The following SSUH2 variants were observed in gnomAD, a reference collection of about 807,000 sequenced individuals.
SSUH2 encodes ssu-2 homolog.
A neutral mutation model predicts 55.3 loss-of-function variants in SSUH2; 47 were observed. The observed-to-expected ratio is 0.85, with a 90% CI of 0.67 to 1.08. The LOEUF is 1.08. Among genes scored for constraint, SSUH2 ranks in the 50% least tolerant of loss-of-function variants. The pLI is 0.00. For synonymous variants in SSUH2, 212 were observed against 191.5 expected (o/e 1.11, Z -0.89); for missense variants, 535 against 490.7 (o/e 1.09, Z -0.85).
At chr3:8,642,175 G>A (rs776846421) in intron 1 of SSUH2, among the ~76,000 whole-genome samples, 2 of 152,218 alleles carry the variant, frequency 1.3e-5, no homozygotes, top group African/African-American at 2.4e-5. Context: ...GTTTCAGTCT[G>A]CAATCAAAGA....
In SSUH2 at chr3:8,676,794, G is replaced by A. The variant is rs1457461737; in HGVS notation, c.-753+412C>T. On this transcript the variant is annotated intron_variant, in intron 3 of 18. Transcript: ENST00000317371. ...CAGGACCTCATCGCAGTGGGGGGAG[G>A]CACCCCCAGTGAGGCGGGGACTGAG... Among the ~76,000 whole-genome samples the A allele has an allele frequency of 2.0e-5, 3 of 148,178 alleles. No homozygotes were observed. In the East Asian group the frequency reaches 6.2e-4, roughly 31 times the overall value.
chr3:8,645,331 CCA>C (rs564397596), upstream of SSUH2, among the ~76,000 whole-genome samples: 1,025 of 152,288 alleles, frequency 6.7e-3, 6 homozygotes, highest in Non-Finnish European at 0.011. Context: ...CACTGCAAAG[CCA>C]CACGGCACCT....
rs73015972 is a variant in SSUH2 at position 8,668,258 on chromosome 3, G to C, written c.-455+2740C>G. Reference sequence around the variant, plus strand: ...AATGAACCTGAGTATTCTAAGATCAGCATTCAAATCTTCACACACAAAAAA... The same window carrying C: ...AATGAACCTGAGTATTCTAAGATCACCATTCAAATCTTCACACACAAAAAA... On this transcript the variant is annotated intron_variant, in intron 5 of 18. Transcript: ENST00000317371. 7.9e-3 allele frequency among the ~76,000 whole-genome samples: 1,196 copies of C among 152,278 alleles called. 9 individuals carry two copies. Among genetic ancestry groups the C allele is most frequent in the Middle Eastern group, 0.02 (6 of 294 alleles).
At chr3:8,655,972 A>G (rs1417752699) in intron 7 of SSUH2, among the ~76,000 whole-genome samples, 1 of 152,222 alleles carries the variant, frequency 6.6e-6, no homozygotes, top group Non-Finnish European at 1.5e-5. Context: ...ATTTCAAAAG[A>G]ATATTATTCT....
At chr3:8,659,672 T>C (rs1034501432) in intron 6 of SSUH2, 19 of 425,530 alleles carry the variant, frequency 4.5e-5, no homozygotes, top group Non-Finnish European at 6.2e-5. Context: ...AAACCCTCAA[T>C]GGGCATGGGA....
chr3:8,619,881 C>T lies in SSUH2; in HGVS notation c.1115G>A (p.Cys372Tyr), dbSNP rs181750881. 1.2e-6 allele frequency: 2 copies of T among 1,613,536 alleles called. No individual in the cohort carries two copies. Among genetic ancestry groups the T allele is most frequent in the East Asian group, 2.2e-5 (1 of 44,882 alleles). ...AGCCATGCTATGTCACACGATGGTA[C>T]AGCCACAGCAATACCGCTCAGGATA... is the stretch of plus-strand genomic sequence containing the variant. ...VDYPERYCCG[C>Y]TIV Residue 372 changes from cysteine (C) to tyrosine (Y), a missense_variant, in exon 12 of 12, where the codon TGT becomes TAT. By Grantham distance (194) the Cys-to-Tyr change is radical. Transcript: ENST00000544814.
At chr3:8,647,492 C>A (rs577791710), upstream of SSUH2, among the ~76,000 whole-genome samples, 1 of 152,226 alleles carries the variant, frequency 6.6e-6, no homozygotes, top group Non-Finnish European at 1.5e-5. Context: ...CTAAAGTGGA[C>A]ATGGCAGCAC....
chr3:8,633,910 G>C lies in SSUH2; in HGVS notation c.210-115C>G, dbSNP rs751341440. ...AAACTGAGGCCACGGTAGTGGTAAAGCCCTCAGCAGTCCAACTGGGGAGGG... is the reference window on the plus strand; with the variant it reads ...AAACTGAGGCCACGGTAGTGGTAAACCCCTCAGCAGTCCAACTGGGGAGGG... On this transcript the variant is annotated intron_variant, in intron 3 of 11. Coordinates refer to ENST00000544814, the MANE Select transcript of SSUH2 (RefSeq NM_001256748.3). 3 of 1,613,880 alleles carry C rather than the reference G, an allele frequency of 1.9e-6. No homozygotes were observed. In the South Asian group the frequency reaches 3.3e-5, roughly 18 times the overall value.
exon 5 of SSUH2, chr3:8,671,021 C>T (rs890886130): frequency 2.4e-6 from 1 of 424,124 alleles, no homozygotes; most frequent in African/African-American, 2.0e-5. Flanking sequence ...TCAGTAGTAA[C>T]ATCTCTTCAG....
At chr3:8,650,079 C>A (rs1357551501) in intron 7 of SSUH2, among the ~76,000 whole-genome samples, 1 of 152,108 alleles carries the variant, frequency 6.6e-6, no homozygotes, top group Admixed American at 6.5e-5. Flanking sequence ...TGGAATTCCC[C>A]TACAGATCTC....
chr3:8,654,942 G>T (rs111544328), intron 7 of SSUH2, among the ~76,000 whole-genome samples: 9 of 107,476 alleles, frequency 8.4e-5, no homozygotes, highest in Admixed American at 6.3e-4. Context: ...GATCACAGTG[G>T]GTGGCCTCAT....
At chr3:8,659,700 T>A (rs775931544) in intron 6 of SSUH2, 1 of 448,638 alleles carries the variant, frequency 2.2e-6, no homozygotes, top group African/African-American at 2.0e-5. Flanking sequence ...TTCATCCATC[T>A]ACCATGCATC....
chr3:8,629,157 CT>C (rs1698241635), intron 7 of SSUH2: 1 of 154,372 alleles, frequency 6.5e-6, no homozygotes, highest in Non-Finnish European at 1.4e-5. Context: ...CCACGCCCAG[CT>C]GTGTCTGTTG....
At position 8,635,877 on chromosome 3, in the gene SSUH2, C is replaced by CCTAA. The variant is rs1387663899; in HGVS notation, c.29-24_29-21dup. On this transcript the variant is annotated intron_variant, in intron 1 of 11. Transcript: ENST00000544814. ...CCACACCTGCAGAAAGACAAGCATT[C>CCTAA]CTAAGCCTTGGGTAGGGAGGCGAGG... 3.9e-6 allele frequency: 6 copies of CCTAA among 1,534,476 alleles called. No individual in the cohort carries two copies. Among genetic ancestry groups the CCTAA allele is most frequent in the Non-Finnish European group, 4.4e-6 (5 of 1,145,928 alleles).
intron 3 of SSUH2, chr3:8,634,500 A>T (rs1469814084): frequency 7.8e-7 from 1 of 1,289,678 alleles, no homozygotes; most frequent in East Asian, 5.6e-5. Flanking sequence ...CCATTAATCC[A>T]CAATTCTGCA....
chr3:8,649,232 G>A (rs555369513), upstream of SSUH2, among the ~76,000 whole-genome samples: 1 of 152,280 alleles, frequency 6.6e-6, no homozygotes, highest in East Asian at 1.9e-4. Context: ...AACGCTGCCT[G>A]CAACAGGAAC....
At chr3:8,633,848 C>A (rs762600914) in intron 3 of SSUH2, 53 bp from the exon 4 acceptor site, 1 of 1,613,242 alleles carries the variant, frequency 6.2e-7, no homozygotes, top group Non-Finnish European at 8.5e-7. Flanking sequence ...CCTGTGGACT[C>A]ACGCGGGCCA....
chr3:8,678,900 GC>G (rs1705683763), intron 2 of SSUH2, among the ~76,000 whole-genome samples: 1 of 104,720 alleles, frequency 9.5e-6, no homozygotes, highest in South Asian at 3.5e-4. Flanking sequence ...AGGGAGGGAG[GC>G]ACCCCCCGCC....
chr3:8,647,034 A>G (rs1322299447), upstream of SSUH2, among the ~76,000 whole-genome samples: 1 of 152,232 alleles, frequency 6.6e-6, no homozygotes, highest in East Asian at 1.9e-4. Flanking sequence ...TTTCCTGGAA[A>G]TAAAATCTAT....
Sources: allele counts gnomAD v4.1 joint callset (sites outside exome capture counted in the v4.1 genomes callset), GRCh38; gene constraint gnomAD v4.1.1; transcripts MANE v1.5; gene names NCBI Gene and HGNC (gene_info 2026-07-23, HGNC 2026-07-21).